ST18: variants seen among roughly 807,000 people sequenced by gnomAD.
ST18 encodes the protein suppression of tumorigenicity 18 protein.
ST18 carries 50 observed loss-of-function variants against 110.0 expected under a neutral mutation model. The ratio of observed to expected loss-of-function variants is 0.45; its 90% confidence interval spans 0.36 to 0.58. The LOEUF is 0.58. Ranked by LOEUF, ST18 falls within the 20% of genes least tolerant of loss-of-function variation. ST18 has a pLI of 0.00. For missense variants in ST18, 1,306 were observed against 1,280.1 expected, an observed-to-expected ratio of 1.02 and a Z score of -0.31; for synonymous variants, 461 against 452.4, an observed-to-expected ratio of 1.02 and a Z score of -0.24.
At chr8:52,367,911 A>G (rs543056884) in intron 2 of ST18, among the ~76,000 whole-genome samples, 6 of 152,192 alleles carry the variant, frequency 3.9e-5, no homozygotes, top group Non-Finnish European at 8.8e-5. Flanking sequence ...AAGTATTTTG[A>G]TTGACTTTGT....
At chr8:52,240,127 A>G in intron 2 of ST18, among the ~76,000 whole-genome samples, 1 of 152,074 alleles carries the variant, frequency 6.6e-6, no homozygotes, top group South Asian at 2.1e-4. Flanking sequence ...AATTGCATAA[A>G]TTGTTTAAGA....
chr8:52,208,842 A>C (rs7833016), intron 8 of ST18, among the ~76,000 whole-genome samples: 1 of 151,912 alleles, frequency 6.6e-6, no homozygotes, highest in African/African-American at 2.4e-5. Context: ...TAAATAAATA[A>C]ATAGATAAAT....
At chr8:52,247,394 C>A (rs1446637149) in intron 2 of ST18, among the ~76,000 whole-genome samples, 1 of 151,614 alleles carries the variant, frequency 6.6e-6, no homozygotes, top group East Asian at 1.9e-4. Context: ...CAATACAGAC[C>A]TATTCTGTTT....
At chr8:52,182,925 T>C (rs2070417205) in intron 8 of ST18, among the ~76,000 whole-genome samples, 1 of 152,212 alleles carries the variant, frequency 6.6e-6, no homozygotes, top group African/African-American at 2.4e-5. Context: ...TTTCTGACTT[T>C]GACGACTGCG....
At chr8:52,325,043 G>T (rs1805668587) in intron 2 of ST18, among the ~76,000 whole-genome samples, 2 of 152,158 alleles carry the variant, frequency 1.3e-5, no homozygotes, top group South Asian at 4.1e-4. Flanking sequence ...GACCAATAGA[G>T]GTTTTAAAGA....
intron 19 of ST18, 88 bp from the exon 20 acceptor site, chr8:52,133,389 T>G: frequency 6.8e-7 from 1 of 1,470,086 alleles, no homozygotes; most frequent in African/African-American, 1.4e-5. Flanking sequence ...TCTTCAGTAA[T>G]CACATTAATG....
At chr8:52,395,813 T>C (rs1219271828) in intron 2 of ST18, among the ~76,000 whole-genome samples, 1 of 152,234 alleles carries the variant, frequency 6.6e-6, no homozygotes, top group Non-Finnish European at 1.5e-5. Flanking sequence ...AATTTTAGGA[T>C]TCAAGCAAAC....
intron 5 of ST18, among the ~76,000 whole-genome samples, chr8:52,219,912 C>A (rs1474343391): frequency 6.6e-6 from 1 of 152,106 alleles, no homozygotes; most frequent in East Asian, 1.9e-4. Context: ...GTGCAACTGG[C>A]AATGCTGAAT....
intron 2 of ST18, among the ~76,000 whole-genome samples, chr8:52,388,814 G>C (rs1837972416): frequency 8.1e-6 from 1 of 123,614 alleles, no homozygotes; most frequent in African/African-American, 3.1e-5. Context: ...GGGGACTGTT[G>C]TGGGGTGGGG....
chr8:52,206,026 G>A (rs1416996033), intron 8 of ST18, among the ~76,000 whole-genome samples: 1 of 152,188 alleles, frequency 6.6e-6, no homozygotes, highest in Non-Finnish European at 1.5e-5. Flanking sequence ...GCAGCAGCCT[G>A]CAGTTGCAGC....
chr8:52,350,618 T>C (rs7013289), intron 2 of ST18, among the ~76,000 whole-genome samples: 25,142 of 152,126 alleles, frequency 0.17, 3,532 homozygotes, highest in African/African-American at 0.38. Context: ...AAACCCTGTA[T>C]GTTCCCAGAC....
chr8:52,392,527 C>T (rs1236592258), intron 2 of ST18, among the ~76,000 whole-genome samples: 1 of 152,102 alleles, frequency 6.6e-6, no homozygotes, highest in Non-Finnish European at 1.5e-5. Context: ...AATTAATGGC[C>T]TTAATATAAC....
chr8:52,328,429 A>T (rs963738967), intron 2 of ST18, among the ~76,000 whole-genome samples: 2 of 152,232 alleles, frequency 1.3e-5, no homozygotes, highest in Non-Finnish European at 2.9e-5. Context: ...GTGAATAATG[A>T]TGGTGATAAT....
intron 24 of ST18, among the ~76,000 whole-genome samples, chr8:52,116,898 A>G (rs992576006): frequency 6.7e-6 from 1 of 150,256 alleles, no homozygotes; most frequent in Non-Finnish European, 1.5e-5. Flanking sequence ...TGACTGTGCT[A>G]CCTTCTCGTG....
intron 2 of ST18, among the ~76,000 whole-genome samples, chr8:52,286,807 T>C (rs2095478464): frequency 6.6e-6 from 1 of 150,826 alleles, no homozygotes. Context: ...GCATGGTCTC[T>C]GGGCCAGCAT....
chr8:52,133,710 A>AATTATTATTATTATTATT (rs10547451), intron 19 of ST18, among the ~76,000 whole-genome samples: 102 of 147,972 alleles, frequency 6.9e-4, no homozygotes, highest in Middle Eastern at 3.5e-3. Flanking sequence ...AAGTTTTCCA[A>AATTATTATTATTATTATT]ATTATTATTA....
chr8:52,135,435 C>T (rs1303574440), intron 19 of ST18, among the ~76,000 whole-genome samples: 1 of 151,744 alleles, frequency 6.6e-6, no homozygotes, highest in Non-Finnish European at 1.5e-5. Context: ...GTTGTGCATG[C>T]CTGTAATCCC....
intron 2 of ST18, among the ~76,000 whole-genome samples, chr8:52,247,324 T>G (rs932013564): frequency 2.0e-5 from 3 of 152,182 alleles, no homozygotes; most frequent in African/African-American, 7.2e-5. Flanking sequence ...AAGACCCATA[T>G]AGGTGGAAAC....
intron 8 of ST18, among the ~76,000 whole-genome samples, chr8:52,203,363 C>A (rs2078690315): frequency 6.6e-6 from 1 of 152,158 alleles, no homozygotes; most frequent in African/African-American, 2.4e-5. Context: ...ACCACACAAA[C>A]TCTTGGCTTT....
Sources: gnomAD v4.1 joint callset for allele counts (sites outside exome capture counted in the v4.1 genomes callset) on GRCh38, gnomAD v4.1.1 for gene constraint, MANE v1.5 for transcripts, NCBI Gene and HGNC (gene_info 2026-07-23, HGNC 2026-07-21) for gene names.